GBE1: variants seen among roughly 807,000 people sequenced by gnomAD.
The protein encoded by GBE1 is 1,4-alpha-glucan-branching enzyme.
Under a neutral mutation model 88.8 loss-of-function variants are expected in GBE1, and 70 were observed. That is an observed-to-expected ratio of 0.79 (90% confidence interval 0.65 to 0.96). The LOEUF is 0.96. GBE1 is among the 40% of genes least tolerant of loss of function. The pLI, the probability that GBE1 is intolerant of heterozygous loss-of-function variation, is 0.00. For synonymous variants in GBE1, 284 were observed against 300.1 expected, an observed-to-expected ratio of 0.95 and a Z score of 0.56; for missense variants, 872 against 871.0, an observed-to-expected ratio of 1.00 and a Z score of -0.01.
At chr3:81,704,379 A>G (rs1705741875) in intron 2 of GBE1, among the ~76,000 whole-genome samples, 3 of 152,074 alleles carry the variant, frequency 2.0e-5, no homozygotes, top group Admixed American at 6.6e-5. Flanking sequence ...ATACATGTAC[A>G]GTTCTATAAA....
intron 1 of GBE1, among the ~76,000 whole-genome samples, chr3:81,742,150 T>A (rs569921616): frequency 6.6e-6 from 1 of 152,034 alleles, no homozygotes; most frequent in African/African-American, 2.4e-5. Flanking sequence ...CTACTTAAAA[T>A]GCTATCTCCT....
chr3:81,726,639 T>C (rs554424796), intron 1 of GBE1, among the ~76,000 whole-genome samples: 1 of 151,340 alleles, frequency 6.6e-6, no homozygotes, highest in East Asian at 2.0e-4. Flanking sequence ...TAGAATGCAG[T>C]GGCACAATCT....
intron 14 of GBE1, among the ~76,000 whole-genome samples, chr3:81,524,909 G>A (rs1288682071): frequency 6.6e-6 from 1 of 151,886 alleles, no homozygotes; most frequent in Non-Finnish European, 1.5e-5. Flanking sequence ...ATGATTTCAA[G>A]TAAATTTTAG....
intron 14 of GBE1, among the ~76,000 whole-genome samples, chr3:81,520,055 A>C (rs1702851828): frequency 6.6e-6 from 1 of 151,474 alleles, no homozygotes; most frequent in Admixed American, 6.6e-5. Context: ...GGCTATGGAA[A>C]ACACTGCTTA....
At chr3:81,697,842 AC>A (rs1705623456) in intron 2 of GBE1, among the ~76,000 whole-genome samples, 1 of 151,972 alleles carries the variant, frequency 6.6e-6, no homozygotes, top group African/African-American at 2.4e-5. Flanking sequence ...CCTGAGGCCT[AC>A]CCTTAAAGTC....
chr3:81,623,057 T>A (rs1704354477), intron 7 of GBE1, among the ~76,000 whole-genome samples: 1 of 152,148 alleles, frequency 6.6e-6, no homozygotes, highest in Admixed American at 6.5e-5. Flanking sequence ...ATTTCCCTGA[T>A]CCAAACCTTT....
At chr3:81,710,314 A>C (rs867746783) in intron 1 of GBE1, among the ~76,000 whole-genome samples, 3 of 133,958 alleles carry the variant, frequency 2.2e-5, no homozygotes, top group South Asian at 4.6e-4. Context: ...GGCTCACTAC[A>C]AGCTCCGCCT....
In GBE1 at chr3:81,742,150, T is replaced by C. The variant is rs569921616; in HGVS notation, c.143+19225A>G. 5.6e-4 allele frequency among the ~76,000 whole-genome samples: 85 copies of C among 152,150 alleles called. 1 individual carries two copies. The highest frequency in any genetic ancestry group is 2.4e-4 in the Non-Finnish European group (16 of 67,966). ...TAGCTTCGAGAGCCTCTACTTAAAATGCTATCTCCTCTCAAGCCAAAAATT... is the reference window on the plus strand; with the variant it reads ...TAGCTTCGAGAGCCTCTACTTAAAACGCTATCTCCTCTCAAGCCAAAAATT... On this transcript the variant is annotated intron_variant, in intron 1 of 15. Transcript: ENST00000429644.
At chr3:81,699,722 C>T (rs763790133) in intron 2 of GBE1, among the ~76,000 whole-genome samples, 14 of 152,132 alleles carry the variant, frequency 9.2e-5, no homozygotes, top group Non-Finnish European at 1.9e-4. Flanking sequence ...GATTATATTG[C>T]GCCCACCAGA....
intron 12 of GBE1, among the ~76,000 whole-genome samples, chr3:81,538,956 A>G (rs1387441823): frequency 6.6e-6 from 1 of 152,026 alleles, no homozygotes; most frequent in Non-Finnish European, 1.5e-5. Context: ...GGAGACTGTC[A>G]CATCATTGTC....
chr3:81,571,936 C>T (rs543694220), intron 12 of GBE1, among the ~76,000 whole-genome samples: 2 of 152,172 alleles, frequency 1.3e-5, no homozygotes, highest in African/African-American at 2.4e-5. Context: ...GACTTGATTA[C>T]TTGAGAATTG....
intron 2 of GBE1, among the ~76,000 whole-genome samples, chr3:81,694,641 A>C (rs868419272): frequency 6.6e-6 from 1 of 152,192 alleles, no homozygotes; most frequent in Non-Finnish European, 1.5e-5. Flanking sequence ...TCATAGGGCA[A>C]ATAAGGAAAT....
intron 14 of GBE1, among the ~76,000 whole-genome samples, chr3:81,515,603 T>G (rs1702787880): frequency 6.6e-6 from 1 of 151,592 alleles, no homozygotes; most frequent in Non-Finnish European, 1.5e-5. Context: ...TCTCTCACTT[T>G]AAATCAAAAA....
chr3:81,759,448 T>C (rs1706647542), intron 1 of GBE1, among the ~76,000 whole-genome samples: 2 of 152,222 alleles, frequency 1.3e-5, no homozygotes, highest in Admixed American at 6.5e-5. Context: ...CCAAATGGAT[T>C]ATCAGAAATA....
At chr3:81,508,403 G>T (rs1395189870) in intron 14 of GBE1, among the ~76,000 whole-genome samples, 2 of 151,976 alleles carry the variant, frequency 1.3e-5, no homozygotes, top group Non-Finnish European at 2.9e-5. Flanking sequence ...ATTATCCAAA[G>T]AACTTGTAAA....
intron 14 of GBE1, among the ~76,000 whole-genome samples, chr3:81,522,456 A>C (rs1369825397): frequency 2.0e-5 from 3 of 151,460 alleles, no homozygotes; most frequent in Non-Finnish European, 4.4e-5. Flanking sequence ...TTTCAGTCTC[A>C]GAGTTATGGC....
chr3:81,515,194 A>G (rs1179976135), intron 14 of GBE1, among the ~76,000 whole-genome samples: 2 of 151,500 alleles, frequency 1.3e-5, no homozygotes, highest in Admixed American at 6.6e-5. Context: ...CAGCAAGTGT[A>G]TTCGTGCCAT....
chr3:81,620,036 T>C (rs1028084702), intron 7 of GBE1, among the ~76,000 whole-genome samples: 1 of 152,182 alleles, frequency 6.6e-6, no homozygotes, highest in African/African-American at 2.4e-5. Flanking sequence ...AATTAATTTA[T>C]TTAAAAATAA....
At chr3:81,566,273 G>C (rs1703494504) in intron 12 of GBE1, among the ~76,000 whole-genome samples, 1 of 152,070 alleles carries the variant, frequency 6.6e-6, no homozygotes, top group African/African-American at 2.4e-5. Flanking sequence ...CTTTTTCAAT[G>C]CCCGAGCCCT....
Sources: gnomAD v4.1 joint callset for allele counts (sites outside exome capture counted in the v4.1 genomes callset) on GRCh38, gnomAD v4.1.1 for gene constraint, MANE v1.5 for transcripts, NCBI Gene and HGNC (gene_info 2026-07-23, HGNC 2026-07-21) for gene names.